The following GCN1 variants were observed in gnomAD, a reference collection of about 807,000 sequenced individuals.
GCN1 encodes the protein stalled ribosome sensor GCN1.
GCN1 carries 90 observed loss-of-function variants against 288.4 expected under a neutral mutation model. The observed-to-expected ratio is 0.31, with a 90% CI of 0.26 to 0.37. The LOEUF (loss-of-function observed/expected upper bound fraction) is 0.37. Ranked by LOEUF, GCN1 falls within the 10% of genes least tolerant of loss-of-function variation. The pLI is 1.00. For synonymous variants in GCN1, 1,386 were observed against 1,420.2 expected, an observed-to-expected ratio of 0.98 and a Z score of 0.54; for missense variants, 2,586 against 3,419.9, an observed-to-expected ratio of 0.76 and a Z score of 6.08.
At chr12:120,174,957 C>G (rs1345200034) in intron 12 of GCN1, among the ~76,000 whole-genome samples, 1 of 151,256 alleles carries the variant, frequency 6.6e-6, no homozygotes, top group Non-Finnish European at 1.5e-5. Flanking sequence ...GAAACCCCAT[C>G]TCTACTAAAA....
chr12:120,161,969 C>T lies in GCN1; in HGVS notation c.2253G>A (p.Gln751=), dbSNP rs764155939. Residue 751 remains glutamine (Q), a synonymous_variant, in exon 21 of 58, where the codon CAG becomes CAA. Coordinates refer to ENST00000300648, the MANE Select transcript of GCN1 (RefSeq NM_006836.2). ...QLISTITASV[Q]NPALRLVTRE... is the part of the protein sequence containing the mutation. ...GCGTCACCAGGCGCAGTGCAGGGTT[C>T]TGCACGGAGGCAGTGATGGTGCTGA... The T allele has an allele frequency of 2.5e-6, 4 of 1,614,094 alleles. No individual in the cohort carries two copies. In the Admixed American group the frequency reaches 5.0e-5, roughly 20 times the overall value.
intron 16 of GCN1, among the ~76,000 whole-genome samples, chr12:120,166,729 GGCCA>G (rs1878140588): frequency 6.6e-6 from 1 of 150,786 alleles, no homozygotes; most frequent in Non-Finnish European, 1.5e-5. Flanking sequence ...AAATTACTAA[GGCCA>G]GGCACGATGG....
intron 3 of GCN1, 62 bp from the exon 4 acceptor site, chr12:120,184,305 C>G: frequency 6.8e-7 from 1 of 1,471,140 alleles, no homozygotes; most frequent in Non-Finnish European, 9.3e-7. Flanking sequence ...AGGGGCAAGG[C>G]TGCTCAGGCC....
chr12:120,157,820 C>T (rs1403007875), intron 26 of GCN1, 29 bp downstream of exon 26: 2 of 1,595,932 alleles, frequency 1.3e-6, no homozygotes, highest in Admixed American at 1.7e-5. Flanking sequence ...CCCTTTAAAC[C>T]AAGAGGAGAG....
chr12:120,165,164 G>A (rs1185880), intron 16 of GCN1, among the ~76,000 whole-genome samples: 6 of 149,914 alleles, frequency 4.0e-5, no homozygotes, highest in African/African-American at 7.4e-5. Flanking sequence ...CTCCTGCCTC[G>A]GCCTCTCGAG....
rs746091274 is a variant in GCN1, at chr12:120,184,897, G to C, written c.122-10C>G. On this transcript the variant is annotated splice_polypyrimidine_tract_variant and intron_variant, in intron 2 of 57. Transcript: ENST00000300648. ...GCTCCCTCTGGAAGATCTGAAACCAGAGATTACACAGACAGCGGTCAATAA... is the reference window on the plus strand; with the variant it reads ...GCTCCCTCTGGAAGATCTGAAACCACAGATTACACAGACAGCGGTCAATAA... 6.9e-6 allele frequency: 11 copies of C among 1,596,410 alleles called. No homozygotes were observed. In the South Asian group the frequency reaches 7.7e-5, roughly 11 times the overall value.
chr12:120,131,886 A>G (rs1193444613), intron 54 of GCN1, 40 bp downstream of exon 54: 2 of 1,297,632 alleles, frequency 1.5e-6, no homozygotes. Flanking sequence ...TAGGGCTGAG[A>G]GGCCCAGGTC....
At chr12:120,169,296 G>GAAAA (rs767645879) in intron 15 of GCN1, among the ~76,000 whole-genome samples, 1 of 55,732 alleles carries the variant, frequency 1.8e-5, no homozygotes, top group Non-Finnish European at 3.0e-5. Context: ...AAAAAAAAAA[G>GAAAA]AAAAAAAAAA....
intron 5 of GCN1, among the ~76,000 whole-genome samples, chr12:120,181,610 C>T (rs907575203): frequency 3.2e-4 from 49 of 151,400 alleles, no homozygotes; most frequent in African/African-American, 1.1e-3. Context: ...GAGGCCGAGG[C>T]GGGCGGATCA....
chr12:120,152,425 T>TAAATATATATATATTTATATATATATAC (rs1197912106), intron 33 of GCN1, among the ~76,000 whole-genome samples: 21 of 126,216 alleles, frequency 1.7e-4, no homozygotes, highest in African/African-American at 6.3e-4. Context: ...TATATATATA[T>TAAATATATATATATTTATATATATATAC]AAATATATAT....
Position 120,165,789 on chromosome 12 carries a change from C to CGTT in GCN1, c.1613-1071_1613-1069dup, listed in dbSNP as rs201108044. Among the ~76,000 whole-genome samples, 9 of 151,012 alleles carry CGTT rather than the reference C, an allele frequency of 6.0e-5. No individual in the cohort carries two copies. In the East Asian group the frequency reaches 8.0e-4, roughly 13 times the overall value. On this transcript the variant is annotated intron_variant, in intron 16 of 57. Coordinates refer to ENST00000300648, the MANE Select transcript of GCN1 (RefSeq NM_006836.2). ...ATGCCAGGCCTATGTATTTTGTTTT[C>CGTT]GTTGTTGTTGTTGTTGTTTTGAGAC... is the stretch of plus-strand genomic sequence containing the variant.
At chr12:120,129,516 G>A in intron 56 of GCN1, 22 bp from the exon 57 acceptor site, 1 of 1,564,528 alleles carries the variant, frequency 6.4e-7, no homozygotes, top group East Asian at 2.2e-5. Context: ...ACCACAAACA[G>A]GCTTTTGGAT....
chr12:120,185,382 C>G (rs1300075157), intron 2 of GCN1, among the ~76,000 whole-genome samples: 1 of 152,086 alleles, frequency 6.6e-6, no homozygotes, highest in Non-Finnish European at 1.5e-5. Flanking sequence ...ATAAGCTTGG[C>G]CTATCAGATT....
chr12:120,174,616 C>T (rs1878418942), intron 12 of GCN1, among the ~76,000 whole-genome samples: 1 of 151,552 alleles, frequency 6.6e-6, no homozygotes, highest in Admixed American at 6.6e-5. Context: ...TGGTGAAACC[C>T]TGTCTCTACT....
At chr12:120,185,645 G>A (rs989147887) in intron 2 of GCN1, among the ~76,000 whole-genome samples, 6 of 151,864 alleles carry the variant, frequency 4.0e-5, no homozygotes, top group Non-Finnish European at 7.4e-5. Context: ...CTATCGCCCC[G>A]GCTGGAGTGC....
intron 16 of GCN1, among the ~76,000 whole-genome samples, chr12:120,166,017 C>T (rs920637033): frequency 2.0e-4 from 31 of 151,892 alleles, no homozygotes; most frequent in African/African-American, 6.8e-4. Context: ...GTCTCGATCT[C>T]GACCTCATGA....
At position 120,175,775 on chromosome 12, in the gene GCN1, A is replaced by G; in HGVS notation, c.1013T>C (p.Leu338Pro). The change falls in exon 11 of 58, where the codon CTG becomes CCG. Residue 338 changes from leucine (L) to proline (P), a missense_variant. This residue lies in a region of GCN1 where 913 missense variants were observed against 1,107.0 expected (regional missense o/e 0.82). Transcript: ENST00000300648. ...QCSDSSAMES[L>P]TKHLFAILGG... ...GAGGATAGCAAATAGGTGCTTGGTCAGGGATTCCATGGCCGAAGAGTCACT... is the reference window on the plus strand; with the variant it reads ...GAGGATAGCAAATAGGTGCTTGGTCGGGGATTCCATGGCCGAAGAGTCACT... 1.2e-6 allele frequency: 2 copies of G among 1,612,752 alleles called. No homozygotes were observed. The highest frequency in any genetic ancestry group is 3.4e-5 in the Admixed American group (2 of 59,594).
At position 120,181,465 on chromosome 12, in the gene GCN1, CA is replaced by C. The variant is rs71072594; in HGVS notation, c.426+2103del. Among the ~76,000 whole-genome samples the C allele has an allele frequency of 4.6e-3, 341 of 73,980 alleles. 4 individuals carry two copies. The highest frequency in any genetic ancestry group is 7.2e-3 in the Non-Finnish European group (293 of 40,452). The allele number at this position is 73,980 out of a possible 152,430, so 48.5% of individuals were successfully genotyped here. A position where few individuals can be genotyped will look rare whatever the true frequency, so the allele number is the denominator to read the frequency against. ...GGGTGACAGAGCAAGATCTTTGTCT[CA>C]AAAAAAAAAAAAAAAAAAAAGAAGT... On this transcript the variant is annotated intron_variant, in intron 5 of 57. Coordinates refer to ENST00000300648, the MANE Select transcript of GCN1 (RefSeq NM_006836.2).
Position 120,142,805 on chromosome 12 carries a change from G to A in GCN1, c.5613+19C>T, listed in dbSNP as rs200613418. On this transcript the variant is annotated intron_variant, in intron 43 of 57. Coordinates refer to ENST00000300648, the MANE Select transcript of GCN1 (RefSeq NM_006836.2). The surrounding 1 kb of genome is among the most constrained non-coding windows in gnomAD (Gnocchi z 4.9). ...GCACACCCTACCATCAGCAGGGGCA[G>A]GAAAGCCACTGCAGGCACCTTGTTG... 43 of 1,592,634 alleles carry A rather than the reference G, an allele frequency of 2.7e-5. No individual in the cohort carries two copies. The highest frequency in any genetic ancestry group is 3.6e-5 in the Non-Finnish European group (42 of 1,160,426).
Sources: gnomAD v4.1 joint callset for allele counts (sites outside exome capture counted in the v4.1 genomes callset) on GRCh38, gnomAD v4.1.1 for gene constraint, gnomAD v4.1.1 regional missense constraint, Gnocchi (gnomAD v3.1) non-coding constraint, MANE v1.5 for transcripts, NCBI Gene and HGNC (gene_info 2026-07-23, HGNC 2026-07-21) for gene names.